Variants in STAU1 observed in about 807,000 individuals in gnomAD.
STAU1 encodes staufen double-stranded RNA binding protein 1.
Under a neutral mutation model 62.9 loss-of-function variants are expected in STAU1, and 13 were observed. The ratio of observed to expected loss-of-function variants is 0.21; its 90% CI spans 0.13 to 0.33. The LOEUF (loss-of-function observed/expected upper bound fraction) is 0.33, where lower values mean the gene tolerates loss of function less well. Ranked by LOEUF, STAU1 falls within the 10% of genes least tolerant of loss-of-function variation. The pLI is 1.00. For missense variants in STAU1, 571 were observed against 712.1 expected, an observed-to-expected ratio of 0.80 and a Z score of 2.25; for synonymous variants, 269 against 265.1, an observed-to-expected ratio of 1.01 and a Z score of -0.14.
the STAU1 span, among the ~76,000 whole-genome samples, chr20:49,206,904 C>A: frequency 1.3e-5 from 2 of 150,744 alleles, no homozygotes; most frequent in African/African-American, 4.9e-5. Context: ...TACAGGCGTG[C>A]GCCACCACAC....
At chr20:49,122,878 C>T (rs3795079) in intron 8 of STAU1, among the ~76,000 whole-genome samples, 48,248 of 151,964 alleles carry the variant, frequency 0.32, 9,054 homozygotes, top group Middle Eastern at 0.46. Context: ...GACAGCACCA[C>T]TGCACTCCAG....
At position 49,166,242 on chromosome 20, in the gene STAU1, T is replaced by C. The variant is rs773117649; in HGVS notation, c.-41A>G. 1.9e-6 allele frequency: 3 copies of C among 1,583,190 alleles called. No individual in the cohort carries two copies. The highest frequency in any genetic ancestry group is 2.7e-5 in the African/African-American group (2 of 74,370). On this transcript the variant is annotated 5_prime_UTR_variant, in exon 3 of 14. Coordinates refer to ENST00000371856, the MANE Select transcript of STAU1 (RefSeq NM_017453.4). Reference sequence around the variant, plus strand: ...AAGTGAACAAATGCAGGTAAACAGCTTTCAGTGCAGGTTAATTCAGTGCTA... The same window carrying C: ...AAGTGAACAAATGCAGGTAAACAGCCTTCAGTGCAGGTTAATTCAGTGCTA...
At chr20:49,149,127 T>C (rs2093187786) in intron 5 of STAU1, among the ~76,000 whole-genome samples, 1 of 152,144 alleles carries the variant, frequency 6.6e-6, no homozygotes, top group South Asian at 2.1e-4. Flanking sequence ...GGTGAGCACC[T>C]GTAGTCCCAG....
intron 7 of STAU1, 53 bp downstream of exon 7, chr20:49,124,322 C>G: frequency 3.8e-6 from 6 of 1,578,716 alleles, no homozygotes; most frequent in Non-Finnish European, 5.2e-6. Context: ...TTCTAAACCC[C>G]CCACCCATCT....
chr20:49,114,507 A>C lies in STAU1; in HGVS notation c.*371T>G, dbSNP rs2145789053. ...CAATGTGTCTGAGTGAGCCAGCTTG[A>C]GAAGGGGTCGTGCCGTTTCTTCTTT... is the stretch of plus-strand genomic sequence containing the variant. On this transcript the variant is annotated 3_prime_UTR_variant, in exon 14 of 14. Coordinates refer to ENST00000371856, the MANE Select transcript of STAU1 (RefSeq NM_017453.4). 1 of 226,744 alleles carries C rather than the reference A, an allele frequency of 4.4e-6. No individual in the cohort carries two copies. Among genetic ancestry groups the C allele is most frequent in the Admixed American group, 5.2e-5 (1 of 19,178 alleles). The allele number at this position is 226,744 out of a possible 1,614,324, so 14.0% of individuals were successfully genotyped here.
At chr20:49,150,065 C>T (rs2093215737) in intron 5 of STAU1, among the ~76,000 whole-genome samples, 1 of 152,204 alleles carries the variant, frequency 6.6e-6, no homozygotes, top group Non-Finnish European at 1.5e-5. Context: ...TTTCAATTCA[C>T]TGGACTTCTT....
chr20:49,131,447 T>C (rs532330256), intron 6 of STAU1, among the ~76,000 whole-genome samples: 15 of 152,324 alleles, frequency 9.8e-5, no homozygotes, highest in African/African-American at 1.2e-4. Context: ...TCTTAAGAGA[T>C]ACATGCTGAA....
At chr20:49,122,838 A>G (rs1473871493) in intron 8 of STAU1, among the ~76,000 whole-genome samples, 1 of 152,160 alleles carries the variant, frequency 6.6e-6, no homozygotes, top group Non-Finnish European at 1.5e-5. Flanking sequence ...AATCGCTTCA[A>G]TCAGGGAGTC....
In STAU1 at chr20:49,126,574, C is replaced by CAAA. The variant is rs58056780; in HGVS notation, c.610-1990_610-1988dup. On this transcript the variant is annotated intron_variant, in intron 6 of 13. Transcript: ENST00000371856. ...CAGAGCAAAACCTCGTCTCAAAAAG[C>CAAA]AAAAAAAAAAAAACAAAAAAAAAAC... is the stretch of plus-strand genomic sequence containing the variant. 7.1e-3 allele frequency among the ~76,000 whole-genome samples: 177 copies of CAAA among 25,056 alleles called. 7 individuals are homozygous for CAAA. Among genetic ancestry groups the CAAA allele is most frequent in the African/African-American group, 0.024 (173 of 7,096 alleles). The allele number at this position is 25,056 out of a possible 152,430, so 16.4% of individuals were successfully genotyped here. A position where few individuals can be genotyped will look rare whatever the true frequency, so the allele number is the denominator to read the frequency against.
At chr20:49,198,323 G>A in the STAU1 span, among the ~76,000 whole-genome samples, 1 of 151,748 alleles carries the variant, frequency 6.6e-6, no homozygotes. Flanking sequence ...AAACCAGCCT[G>A]ATCAACCTGG....
intron 6 of STAU1, among the ~76,000 whole-genome samples, chr20:49,125,113 T>C (rs2092567826): frequency 7.6e-6 from 1 of 131,920 alleles, no homozygotes; most frequent in South Asian, 2.3e-4. Context: ...GTATATGGTA[T>C]GGTAGCTTTA....
chr20:49,206,986 C>T, the STAU1 span, among the ~76,000 whole-genome samples: 3 of 151,508 alleles, frequency 2.0e-5, no homozygotes, highest in Admixed American at 2.0e-4. Context: ...GATTTTCTGA[C>T]CTTGTGATCC....
Position 49,117,875 on chromosome 20 carries a change from T to C in STAU1, c.1411A>G (p.Ile471Val), listed in dbSNP as rs570607143. 7.1e-5 allele frequency: 114 copies of C among 1,614,174 alleles called. No individual in the cohort carries two copies. In the Middle Eastern group the frequency reaches 9.9e-4, roughly 14 times the overall value. Residue 471 changes from isoleucine to valine, a missense_variant, in exon 11 of 14, where the codon ATT (isoleucine) becomes GTT (valine). By Grantham distance (29) the Ile-to-Val change is conservative. Transcript: ENST00000371856. This position sits in a 1 kb window ranked among gnomAD's most constrained non-coding sequence, Gnocchi z 4.6. The stretch of plus-strand genomic sequence containing the variant: ...CCTGAAGAGATGTTATTCTTTAAAA[T>C]GGTCTCGGCTGTGGGCGAGGTGCCC... ...YGGTSPTAET[I>V]LKNNISSGHV... is the part of the protein sequence containing the mutation.
the STAU1 span, among the ~76,000 whole-genome samples, chr20:49,197,129 T>C: frequency 6.6e-6 from 1 of 151,288 alleles, no homozygotes; most frequent in Non-Finnish European, 1.5e-5. Context: ...CACTCCAGCC[T>C]GGGTGACAGA....
intron 5 of STAU1, among the ~76,000 whole-genome samples, chr20:49,150,901 T>C (rs1345785131): frequency 6.6e-6 from 1 of 151,992 alleles, no homozygotes; most frequent in Non-Finnish European, 1.5e-5. Context: ...TGAACTGAGG[T>C]CCTGGGGCCA....
At chr20:49,206,343 C>A in the STAU1 span, among the ~76,000 whole-genome samples, 1 of 147,858 alleles carries the variant, frequency 6.8e-6, no homozygotes, top group African/African-American at 2.5e-5. Context: ...TTTAGAGAGT[C>A]AAATAATTTT....
chr20:49,172,971 G>A (rs1188557965), intron 2 of STAU1, among the ~76,000 whole-genome samples: 2 of 140,090 alleles, frequency 1.4e-5, no homozygotes, highest in East Asian at 2.1e-4. Context: ...TCTGCCTCCC[G>A]GGTTCACGCC....
the STAU1 span, among the ~76,000 whole-genome samples, chr20:49,208,578 G>C: frequency 6.6e-6 from 1 of 151,812 alleles, no homozygotes; most frequent in African/African-American, 2.4e-5. Context: ...ATTGCTTGAG[G>C]CTAGGAGTTC....
chr20:49,160,550 G>GTT (rs1231918957), intron 3 of STAU1, among the ~76,000 whole-genome samples: 4 of 152,164 alleles, frequency 2.6e-5, no homozygotes, highest in African/African-American at 7.2e-5. Flanking sequence ...TTAAGTTCCA[G>GTT]AATGTGCTGT....
Sources: gnomAD v4.1 joint callset for allele counts (sites outside exome capture counted in the v4.1 genomes callset) on GRCh38, gnomAD v4.1.1 for gene constraint, Gnocchi (gnomAD v3.1) non-coding constraint, MANE v1.5 for transcripts, NCBI Gene and HGNC (gene_info 2026-07-23, HGNC 2026-07-21) for gene names.